The following GALNT9 variants were observed in gnomAD, a reference collection of about 807,000 sequenced individuals.
GALNT9 encodes polypeptide N-acetylgalactosaminyltransferase 9.
A neutral mutation model predicts 63.1 loss-of-function variants in GALNT9; 47 were observed. That is an observed-to-expected ratio of 0.75 (90% CI 0.59 to 0.95). The LOEUF is 0.95. Ranked by LOEUF, GALNT9 falls within the 40% of genes least tolerant of loss-of-function variation. The pLI, the probability that GALNT9 is intolerant of heterozygous loss-of-function variation, is 0.00. For synonymous variants in GALNT9, 396 were observed against 365.7 expected, an observed-to-expected ratio of 1.08 and a Z score of -0.94; for missense variants, 829 against 874.8, an observed-to-expected ratio of 0.95 and a Z score of 0.66.
At chr12:132,249,428 C>T (rs1878827615) in intron 5 of GALNT9, among the ~76,000 whole-genome samples, 1 of 152,216 alleles carries the variant, frequency 6.6e-6, no homozygotes, top group Non-Finnish European at 1.5e-5. Flanking sequence ...ATCGATTGTC[C>T]AAGAATAGCA....
chr12:132,318,293 G>A (rs1026242988), intron 1 of GALNT9, among the ~76,000 whole-genome samples: 1 of 152,264 alleles, frequency 6.6e-6, no homozygotes, highest in Admixed American at 6.5e-5. Context: ...GACCAAGAAC[G>A]CTGGATGATG....
intron 2 of GALNT9, chr12:132,284,326 A>G (rs1593104155): frequency 6.6e-6 from 1 of 151,814 alleles, no homozygotes; most frequent in Non-Finnish European, 1.5e-5. Context: ...ACACACACAC[A>G]CCGTGCACCC....
chr12:132,250,893 C>A (rs1878890402), intron 5 of GALNT9, among the ~76,000 whole-genome samples: 1 of 152,212 alleles, frequency 6.6e-6, no homozygotes, highest in African/African-American at 2.4e-5. Context: ...TCCCCGGAGG[C>A]CTGCGGTGGA....
At chr12:132,212,078 G>A (rs1233128015) in intron 6 of GALNT9, among the ~76,000 whole-genome samples, 1 of 152,246 alleles carries the variant, frequency 6.6e-6, no homozygotes, top group Admixed American at 6.5e-5. Context: ...GAGAAAAGAC[G>A]GGTGGGGAGT....
rs1365992805 is a variant in GALNT9 at position 132,319,661 on chromosome 12, C to A, written c.238+9305G>T. ...TAGCTGAGTTTGCTTTTCAACAGGC[C>A]TTTCCGTCTGGGGCAGGTCAACACC... is the stretch of plus-strand genomic sequence containing the variant. On this transcript the variant is annotated intron_variant, in intron 1 of 10. Transcript: ENST00000328957. The surrounding 1 kb of genome is among the most constrained non-coding windows in gnomAD (Gnocchi z 5.2). Among the ~76,000 whole-genome samples, 2 of 151,960 alleles carry A rather than the reference C, an allele frequency of 1.3e-5. No homozygotes were observed. The highest frequency in any genetic ancestry group is 3.9e-4 in the East Asian group (2 of 5,188).
intron 6 of GALNT9, among the ~76,000 whole-genome samples, chr12:132,229,676 C>T (rs1272808941): frequency 6.6e-6 from 1 of 152,222 alleles, no homozygotes; most frequent in Non-Finnish European, 1.5e-5. Flanking sequence ...GCATGGTTGG[C>T]AAGCTTAGCT....
rs1349594501 is a variant in GALNT9, at chr12:132,252,568, G to T, written c.960-4541C>A. Among the ~76,000 whole-genome samples, 1 of 152,144 alleles carries T rather than the reference G, an allele frequency of 6.6e-6. No homozygotes were observed. Among genetic ancestry groups the T allele is most frequent in the Admixed American group, 6.5e-5 (1 of 15,272 alleles). Reference sequence around the variant, plus strand: ...AAGAGAAAACAGCTGGGCCTGGGGGGAACCACTGCCATCAAGACACGGAGA... The same window carrying T: ...AAGAGAAAACAGCTGGGCCTGGGGGTAACCACTGCCATCAAGACACGGAGA... On this transcript the variant is annotated intron_variant, in intron 5 of 10. Coordinates refer to ENST00000328957, the MANE Select transcript of GALNT9 (RefSeq NM_001122636.2). This position sits in a 1 kb window ranked among gnomAD's most constrained non-coding sequence, Gnocchi z 5.2.
chr12:132,255,820 G>A (rs1475856195), intron 5 of GALNT9, among the ~76,000 whole-genome samples: 17 of 152,280 alleles, frequency 1.1e-4, no homozygotes, highest in African/African-American at 3.8e-4. Context: ...CACCGGCCGC[G>A]ATGACAACAC....
intron 3 of GALNT9, 81 bp downstream of exon 3, chr12:132,262,378 C>G (rs535196272): frequency 6.8e-6 from 10 of 1,479,106 alleles, no homozygotes; most frequent in African/African-American, 1.4e-5. Context: ...GCTCTGCCCC[C>G]GGAGGCTCCA....
chr12:132,304,998 C>T (rs1289880358), intron 1 of GALNT9, among the ~76,000 whole-genome samples: 1 of 30,412 alleles, frequency 3.3e-5, no homozygotes, highest in Admixed American at 3.9e-4. Flanking sequence ...CACCCTCACC[C>T]GGGCACATCC....
chr12:132,265,702 T>C lies in GALNT9; in HGVS notation c.420-3077A>G, dbSNP rs1202299344. On this transcript the variant is annotated intron_variant, in intron 2 of 10. Transcript: ENST00000328957. The surrounding 1 kb of genome is among the most constrained non-coding windows in gnomAD (Gnocchi z 5.3). ...GACAATGAAGATACCTTATTCCTGA[T>C]GTAGCTTCCCCAATCTCCAGCCAGT... Among the ~76,000 whole-genome samples the C allele has an allele frequency of 6.6e-6, 1 of 152,200 alleles. No individual in the cohort carries two copies. The highest frequency in any genetic ancestry group is 1.9e-4 in the East Asian group (1 of 5,202).
At chr12:132,290,569 C>T (rs113022988) in intron 1 of GALNT9, among the ~76,000 whole-genome samples, 2,358 of 151,276 alleles carry the variant, frequency 0.016, 61 homozygotes, top group African/African-American at 0.054. Flanking sequence ...GTCCACACCA[C>T]CCACATCCAC....
chr12:132,244,024 C>CG (rs1273891862), intron 6 of GALNT9, among the ~76,000 whole-genome samples: 1 of 151,370 alleles, frequency 6.6e-6, no homozygotes, highest in Non-Finnish European at 1.5e-5. Context: ...TAGGGACAGA[C>CG]GGGGGCAGTG....
intron 6 of GALNT9, among the ~76,000 whole-genome samples, chr12:132,204,544 C>A (rs908955661): frequency 6.6e-6 from 1 of 152,162 alleles, no homozygotes; most frequent in Non-Finnish European, 1.5e-5. Context: ...TCCTCCCCTG[C>A]CTTCAGGCTT....
intron 9 of GALNT9, 97 bp from the exon 10 acceptor site, chr12:132,198,056 G>C: frequency 9.9e-7 from 1 of 1,010,884 alleles, no homozygotes; most frequent in Non-Finnish European, 1.4e-6. Context: ...CTGCAAACGG[G>C]GCCCTGCGCG....
At position 132,316,754 on chromosome 12, in the gene GALNT9, G is replaced by T. The variant is rs1437146150; in HGVS notation, c.238+12212C>A. Among the ~76,000 whole-genome samples, 1 of 152,012 alleles carries T rather than the reference G, an allele frequency of 6.6e-6. No individual in the cohort carries two copies. Among genetic ancestry groups the T allele is most frequent in the African/African-American group, 2.4e-5 (1 of 41,346 alleles). On this transcript the variant is annotated intron_variant, in intron 1 of 10. Coordinates refer to ENST00000328957, the MANE Select transcript of GALNT9 (RefSeq NM_001122636.2). This position sits in a 1 kb window ranked among gnomAD's most constrained non-coding sequence, Gnocchi z 4.3. ...AGCCACCCAGCCTCCTTCCCATCAC[G>T]AGCACTGGCGCTCACATGGGGTACT... is the stretch of plus-strand genomic sequence containing the variant.
chr12:132,267,757 A>G (rs559478960), intron 2 of GALNT9, among the ~76,000 whole-genome samples: 1 of 144,514 alleles, frequency 6.9e-6, no homozygotes, highest in South Asian at 2.1e-4. Context: ...ACACACACTC[A>G]CACACACATG....
chr12:132,298,591 A>T (rs1043008715), intron 1 of GALNT9, among the ~76,000 whole-genome samples: 2 of 147,372 alleles, frequency 1.4e-5, no homozygotes, highest in Non-Finnish European at 3.0e-5. Flanking sequence ...ATGATAACTA[A>T]CCTGCTCCCA....
intron 1 of GALNT9, among the ~76,000 whole-genome samples, chr12:132,300,768 A>G (rs1881265030): frequency 7.2e-6 from 1 of 138,772 alleles, no homozygotes; most frequent in Non-Finnish European, 1.5e-5. Context: ...ACTCACTCCC[A>G]TGATAACTAA....
Sources: gnomAD v4.1 joint callset for allele counts (sites outside exome capture counted in the v4.1 genomes callset) on GRCh38, gnomAD v4.1.1 for gene constraint, Gnocchi (gnomAD v3.1) non-coding constraint, MANE v1.5 for transcripts, NCBI Gene and HGNC (gene_info 2026-07-23, HGNC 2026-07-21) for gene names.